The following GRID2IP variants were observed in gnomAD, a reference collection of about 807,000 sequenced individuals.
GRID2IP encodes the protein Grid2 interacting protein.
A neutral mutation model predicts 114.3 loss-of-function variants in GRID2IP; 78 were observed. The ratio of observed to expected loss-of-function variants is 0.68; its 90% CI spans 0.57 to 0.82. GRID2IP has a LOEUF of 0.82. Among genes scored for constraint, GRID2IP ranks in the 40% least tolerant of loss-of-function variants. GRID2IP has a pLI of 0.00. For missense variants in GRID2IP, 1,727 were observed against 1,678.5 expected, an observed-to-expected ratio of 1.03 and a Z score of -0.51; for synonymous variants, 809 against 724.0, an observed-to-expected ratio of 1.12 and a Z score of -1.89.
Position 6,497,238 on chromosome 7 carries a change from C to T in GRID2IP, c.*536G>A, listed in dbSNP as rs550113352. ...TTCTCCAGTCCTTCCTTCCCTGCGTCTCTCCCAGGCTTCTCTCTTCCTGTG... is the reference window on the plus strand; with the variant it reads ...TTCTCCAGTCCTTCCTTCCCTGCGTTTCTCCCAGGCTTCTCTCTTCCTGTG... On this transcript the variant is annotated 3_prime_UTR_variant, in exon 22 of 22. Coordinates refer to ENST00000457091, the MANE Select transcript of GRID2IP (RefSeq NM_001145118.2). 6.6e-6 allele frequency among the ~76,000 whole-genome samples: 1 copy of T among 152,352 alleles called. No homozygotes were observed. Among genetic ancestry groups the T allele is most frequent in the Admixed American group, 6.5e-5 (1 of 15,304 alleles).
rs1467540344 is a variant in GRID2IP at position 6,501,766 on chromosome 7, C to G, written c.3399+15G>C. On this transcript the variant is annotated intron_variant, in intron 20 of 21. Coordinates refer to ENST00000457091, the MANE Select transcript of GRID2IP (RefSeq NM_001145118.2). ...GGATCCAGCCTGGTGCAGGAACAGGCTGCTCAGAGGATGCCGACATGACCA... is the reference window on the plus strand; with the variant it reads ...GGATCCAGCCTGGTGCAGGAACAGGGTGCTCAGAGGATGCCGACATGACCA... The G allele has an allele frequency of 2.6e-6, 4 of 1,535,520 alleles. No individual in the cohort carries two copies. In the East Asian group the frequency reaches 9.8e-5, roughly 38 times the overall value.
At position 6,520,781 on chromosome 7, in the gene GRID2IP, G is replaced by A; in HGVS notation, c.1085-20C>T. 1 of 1,542,294 alleles carries A rather than the reference G, an allele frequency of 6.5e-7. No individual in the cohort carries two copies. Among genetic ancestry groups the A allele is most frequent in the Non-Finnish European group, 8.8e-7 (1 of 1,140,284 alleles). On this transcript the variant is annotated intron_variant, in intron 6 of 21. Coordinates refer to ENST00000457091, the MANE Select transcript of GRID2IP (RefSeq NM_001145118.2). The surrounding 1 kb of genome is among the most constrained non-coding windows in gnomAD (Gnocchi z 4.6). ...CGGAGTCTGCTGGGACCACAGGCGG[G>A]AGAGGCATGAGTGACTCAGAGTCCC...
intron 2 of GRID2IP, chr7:6,531,113 G>A (rs1285480246): frequency 3.7e-6 from 2 of 533,766 alleles, no homozygotes; most frequent in Non-Finnish European, 6.6e-6. Flanking sequence ...CTGGAGCCGG[G>A]GACCGCGGCG....
chr7:6,524,834 A>C (rs971979977), intron 4 of GRID2IP, among the ~76,000 whole-genome samples: 1 of 151,596 alleles, frequency 6.6e-6, no homozygotes, highest in African/African-American at 2.4e-5. Context: ...CTCCTGCCTC[A>C]GCCTCCCGAG....
At chr7:6,514,192 G>A (rs1226498036) in intron 8 of GRID2IP, among the ~76,000 whole-genome samples, 183 bp downstream of exon 8, 1 of 152,146 alleles carries the variant, frequency 6.6e-6, no homozygotes, top group Admixed American at 6.5e-5. Flanking sequence ...GGCGGAGGTT[G>A]CAGTGAGCCA....
rs1389770850 is a variant in GRID2IP, at chr7:6,534,087, C to A, written c.584+5631G>T. Among the ~76,000 whole-genome samples the A allele has an allele frequency of 2.0e-5, 3 of 152,166 alleles. No individual in the cohort carries two copies. Among genetic ancestry groups the A allele is most frequent in the African/African-American group, 7.2e-5 (3 of 41,438 alleles). On this transcript the variant is annotated intron_variant, in intron 2 of 21. Coordinates refer to ENST00000457091, the MANE Select transcript of GRID2IP (RefSeq NM_001145118.2). The surrounding 1 kb of genome is among the most constrained non-coding windows in gnomAD (Gnocchi z 4.5). ...GCTTTCAGTTGGCCAAGTTCATTTA[C>A]ATGGTTTCCTACCAAGAACCCTGCT...
chr7:6,506,031 G>A lies in GRID2IP; in HGVS notation c.2545-124C>T. 1.5e-6 allele frequency: 1 copy of A among 656,338 alleles called. No homozygotes were observed. The highest frequency in any genetic ancestry group is 2.7e-5 in the East Asian group (1 of 36,810). The allele number at this position is 656,338 out of a possible 1,614,324, so 40.7% of individuals were successfully genotyped here. A position where few individuals can be genotyped will look rare whatever the true frequency, so the allele number is the denominator to read the frequency against. On this transcript the variant is annotated intron_variant, in intron 13 of 21. Transcript: ENST00000457091. This position sits in a 1 kb window ranked among gnomAD's most constrained non-coding sequence, Gnocchi z 5.2. Reference sequence around the variant, plus strand: ...AGCAAAAGCACCCATCAGGTGCTGGGATAAAGCCCGGAGCAGGAGGAGACT... The same window carrying A: ...AGCAAAAGCACCCATCAGGTGCTGGAATAAAGCCCGGAGCAGGAGGAGACT...
In GRID2IP at chr7:6,526,766, G is replaced by A. The variant is rs1292678259; in HGVS notation, c.588C>T (p.Ile196=). Residue 196 remains isoleucine (I), a synonymous_variant, in exon 3 of 22, where the codon ATC becomes ATT. Coordinates refer to ENST00000457091, the MANE Select transcript of GRID2IP (RefSeq NM_001145118.2). This position sits in a 1 kb window ranked among gnomAD's most constrained non-coding sequence, Gnocchi z 7.6. ...GCGCCCGGTGCTTCTTGGGGATGAA[G>A]ATCCTGCCGGCGAGGACGGCGGAGT... ...ACGPLLDNLR[I]FIPKKHRARF... 2.0e-6 allele frequency: 3 copies of A among 1,517,910 alleles called. No individual in the cohort carries two copies. The highest frequency in any genetic ancestry group is 2.6e-6 in the Non-Finnish European group (3 of 1,132,776). 94.0% of individuals were successfully genotyped at this position (1,517,910 alleles called of 1,614,324 possible).
rs1583351613 is a variant in GRID2IP, at chr7:6,536,722, C to G, written c.584+2996G>C. 2.9e-6 allele frequency: 2 copies of G among 688,840 alleles called. No homozygotes were observed. Among genetic ancestry groups the G allele is most frequent in the African/African-American group, 1.8e-5 (1 of 56,794 alleles). 42.7% of individuals were successfully genotyped at this position (688,840 alleles called of 1,614,324 possible). A position where few individuals can be genotyped will look rare whatever the true frequency, so the allele number is the denominator to read the frequency against. ...GCCTGTCAATCAGCTCCCCAGGAAG[C>G]GCTCAGAGCCAGCGCATCATCTCCG... On this transcript the variant is annotated intron_variant, in intron 2 of 21. Transcript: ENST00000457091. This position sits in a 1 kb window ranked among gnomAD's most constrained non-coding sequence, Gnocchi z 5.3.
In GRID2IP at chr7:6,503,504, T is replaced by C; in HGVS notation, c.2894A>G (p.Gln965Arg). The C allele has an allele frequency of 6.6e-7, 1 of 1,524,728 alleles. No homozygotes were observed. Among genetic ancestry groups the C allele is most frequent in the Non-Finnish European group, 8.8e-7 (1 of 1,142,792 alleles). The allele number at this position is 1,524,728 out of a possible 1,614,324, so 94.4% of individuals were successfully genotyped here. A position where few individuals can be genotyped will look rare whatever the true frequency, so the allele number is the denominator to read the frequency against. ...TGGTCGCGGCACCTGCAGGACGAACTGGTCCGGCTCGCTGAGGCGGCCGGG... is the reference window on the plus strand; with the variant it reads ...TGGTCGCGGCACCTGCAGGACGAACCGGTCCGGCTCGCTGAGGCGGCCGGG... ...EAPGRLSEPD[Q>R]FVLQMLSVPE... is the part of the protein sequence containing the mutation. The change falls in exon 16 of 22, where the codon CAG (glutamine) becomes CGG (arginine). Residue 965 changes from glutamine (Q) to arginine (R), a missense_variant. By Grantham distance (43) the Gln-to-Arg change is conservative (BLOSUM62 1). Coordinates refer to ENST00000457091, the MANE Select transcript of GRID2IP (RefSeq NM_001145118.2).
At chr7:6,541,697 T>C (rs1172025781) in intron 1 of GRID2IP, among the ~76,000 whole-genome samples, 4 of 152,054 alleles carry the variant, frequency 2.6e-5, no homozygotes, top group African/African-American at 7.2e-5. Flanking sequence ...AATGGGCACA[T>C]TGGAAATGAG....
rs890004995 is a variant in GRID2IP, at chr7:6,510,144, A to G, written c.1771+139T>C. ...GGTACCCAGGCTACTTTCTTGATCC[A>G]CAGCTGAGGTGAGGGTCACAGGGCC... On this transcript the variant is annotated intron_variant, in intron 11 of 21. Coordinates refer to ENST00000457091, the MANE Select transcript of GRID2IP (RefSeq NM_001145118.2). 5.5e-6 allele frequency: 3 copies of G among 544,890 alleles called. No individual in the cohort carries two copies. The South Asian group carries it at 8.3e-5, about 15-fold the overall frequency. 33.8% of individuals were successfully genotyped at this position (544,890 alleles called of 1,614,324 possible). A position where few individuals can be genotyped will look rare whatever the true frequency, so the allele number is the denominator to read the frequency against.
Position 6,526,839 on chromosome 7 carries a change from G to A in GRID2IP, c.585-70C>T. On this transcript the variant is annotated intron_variant, in intron 2 of 21. Coordinates refer to ENST00000457091, the MANE Select transcript of GRID2IP (RefSeq NM_001145118.2). This position sits in a 1 kb window ranked among gnomAD's most constrained non-coding sequence, Gnocchi z 7.6. The stretch of plus-strand genomic sequence containing the variant: ...GATCTCTGCAAACCGCGGCCCGAAG[G>A]CGCGTCCTCGCGGGCGCCGCCCTAG... The A allele has an allele frequency of 1.4e-6, 2 of 1,387,990 alleles. No individual in the cohort carries two copies. Among genetic ancestry groups the A allele is most frequent in the Non-Finnish European group, 9.3e-7 (1 of 1,070,292 alleles). 86.0% of individuals were successfully genotyped at this position (1,387,990 alleles called of 1,614,324 possible).
In GRID2IP at chr7:6,497,766, G is replaced by A. The variant is rs1280684398; in HGVS notation, c.*8C>T. On this transcript the variant is annotated 3_prime_UTR_variant, in exon 22 of 22. Coordinates refer to ENST00000457091, the MANE Select transcript of GRID2IP (RefSeq NM_001145118.2). Reference sequence around the variant, plus strand: ...GCTCAGGCCGCAGAGGACGCGGTGTGGCCACTGTCACCAGGCCAGGGGTGA... The same window carrying A: ...GCTCAGGCCGCAGAGGACGCGGTGTAGCCACTGTCACCAGGCCAGGGGTGA... 1.9e-6 allele frequency: 3 copies of A among 1,547,060 alleles called. No homozygotes were observed. The highest frequency in any genetic ancestry group is 1.7e-6 in the Non-Finnish European group (2 of 1,144,396).
At chr7:6,550,034 A>G (rs1244117304) in intron 1 of GRID2IP, among the ~76,000 whole-genome samples, 2 of 131,474 alleles carry the variant, frequency 1.5e-5, no homozygotes, top group East Asian at 4.1e-4. Flanking sequence ...TCCGTTACCC[A>G]GGCTGGAATG....
chr7:6,551,236 G>C lies in GRID2IP; in HGVS notation c.201C>G (p.Arg67=). 6.5e-7 allele frequency: 1 copy of C among 1,529,206 alleles called. No individual in the cohort carries two copies. The allele number at this position is 1,529,206 out of a possible 1,614,324, so 94.7% of individuals were successfully genotyped here. The change falls in exon 1 of 22, where the codon CGC becomes CGG. Residue 67 remains arginine (R), a synonymous_variant. Coordinates refer to ENST00000457091, the MANE Select transcript of GRID2IP (RefSeq NM_001145118.2). Reference sequence around the variant, plus strand: ...GCACACGTGGGCAGCGCCGTGCCAGGCGCACGAGGCGCTCGCGGCTCAGAC... The same window carrying C: ...GCACACGTGGGCAGCGCCGTGCCAGCCGCACGAGGCGCTCGCGGCTCAGAC... The part of the protein sequence containing the change: ...VGGLSRERLV[R]LARRCPRVPP...
At position 6,533,819 on chromosome 7, in the gene GRID2IP, A is replaced by C. The variant is rs181508670; in HGVS notation, c.584+5899T>G. 6.0e-5 allele frequency among the ~76,000 whole-genome samples: 9 copies of C among 150,254 alleles called. No homozygotes were observed. In the South Asian group the frequency reaches 1.9e-3, roughly 32 times the overall value. ...AACCACCAAACCCAGCTAATTTTTT[A>C]TATGTATTTTTTGTAGAGATGGGGT... On this transcript the variant is annotated intron_variant, in intron 2 of 21. Transcript: ENST00000457091.
Position 6,502,083 on chromosome 7 carries a change from GGT to G in GRID2IP, c.3184_3185del (p.Thr1062LeufsTer15), listed in dbSNP as rs1583331532. ...NSTKTVDGKS[T>X]FLHILAKSLS... ...GCGATTTGGCAAGGATGTGCAGGAAGGTGGACTTCCCATCCACTGTCTTGGTG... is the reference window on the plus strand; with the variant it reads ...GCGATTTGGCAAGGATGTGCAGGAAGGGACTTCCCATCCACTGTCTTGGTG... On this transcript the variant is annotated frameshift_variant, in exon 19 of 22. Transcript: ENST00000457091. LOFTEE classifies it high-confidence loss of function. 6.4e-7 allele frequency: 1 copy of G among 1,551,218 alleles called. No homozygotes were observed. Among genetic ancestry groups the G allele is most frequent in the African/African-American group, 1.4e-5 (1 of 73,004 alleles).
rs1386993963 is a variant in GRID2IP at position 6,520,586 on chromosome 7, G to C, written c.1260C>G (p.Phe420Leu). The C allele has an allele frequency of 6.4e-7, 1 of 1,550,906 alleles. No individual in the cohort carries two copies. Among genetic ancestry groups the C allele is most frequent in the East Asian group, 2.4e-5 (1 of 40,916 alleles). The part of the protein sequence containing the change: ...YGVCRALESF[F>L]QHRNIDTLIV... The stretch of plus-strand genomic sequence containing the variant: ...GGCTTTGGCCCGGCCACCTGTGCTG[G>C]AAGAAGCTCTCGAGGGCCCGGCAGA... The change falls in exon 7 of 22, where the codon TTC becomes TTG. Residue 420 changes from phenylalanine to leucine, a missense_variant. Coordinates refer to ENST00000457091, the MANE Select transcript of GRID2IP (RefSeq NM_001145118.2). This position sits in a 1 kb window ranked among gnomAD's most constrained non-coding sequence, Gnocchi z 4.6.
Sources: allele counts gnomAD v4.1 joint callset (sites outside exome capture counted in the v4.1 genomes callset), GRCh38; gene constraint gnomAD v4.1.1; non-coding constraint Gnocchi (gnomAD v3.1); transcripts MANE v1.5; gene names NCBI Gene and HGNC (gene_info 2026-07-23, HGNC 2026-07-21).